Variants in APLF observed in about 807,000 individuals in gnomAD.
APLF encodes aprataxin and PNKP like factor.
A neutral mutation model predicts 55.6 loss-of-function variants in APLF; 61 were observed. The observed-to-expected ratio is 1.10, with a 90% CI of 0.89 to 1.36. The LOEUF (loss-of-function observed/expected upper bound fraction) is 1.36, where lower values mean the gene tolerates loss of function less well. APLF is among the 40% of genes most tolerant of loss of function. APLF has a pLI of 0.00. For missense variants in APLF, 611 were observed against 602.5 expected (o/e 1.01, Z -0.15); for synonymous variants, 207 against 214.8 (o/e 0.96, Z 0.32).
At chr2:68,512,971 T>C (rs942713244) in intron 3 of APLF, 109 bp from the exon 4 acceptor site, 1 of 942,690 alleles carries the variant, frequency 1.1e-6, no homozygotes, top group Admixed American at 2.7e-5. Context: ...AATCTGCTTT[T>C]TTTGGTTTTG....
intron 5 of APLF, among the ~76,000 whole-genome samples, chr2:68,523,037 A>T (rs1274785489): frequency 6.6e-6 from 1 of 151,962 alleles, no homozygotes; most frequent in Non-Finnish European, 1.5e-5. Context: ...GACACTGTAA[A>T]TAAAGTCAGA....
At chr2:68,567,490 C>T in intron 9 of APLF, 103 bp downstream of exon 9, 2 of 945,008 alleles carry the variant, frequency 2.1e-6, no homozygotes. Flanking sequence ...ATCTCTGCTT[C>T]TGTGAATTTG....
intron 5 of APLF, among the ~76,000 whole-genome samples, chr2:68,520,708 C>T (rs13429417): frequency 0.093 from 14,101 of 151,788 alleles, 789 homozygotes; most frequent in African/African-American, 0.14. Flanking sequence ...TTTTGCTGGC[C>T]GTAGCCTTGT....
chr2:68,563,322 C>G (rs1331417178), intron 8 of APLF: 1 of 983,784 alleles, frequency 1.0e-6, no homozygotes, highest in Non-Finnish European at 1.2e-6. Flanking sequence ...TTCTGCTCTT[C>G]CTTTTTGGAA....
Position 68,490,198 on chromosome 2 carries a change from CAA to C in APLF, c.106_107del (p.Lys36GlufsTer10), listed in dbSNP as rs762512838. 9.3e-6 allele frequency: 15 copies of C among 1,607,804 alleles called. No homozygotes were observed. The highest frequency in any genetic ancestry group is 8.0e-5 in the African/African-American group (6 of 74,584). On this transcript the variant is annotated frameshift_variant, in exon 2 of 10. Coordinates refer to ENST00000303795, the MANE Select transcript of APLF (RefSeq NM_173545.3). LOFTEE classifies it high-confidence loss of function. ...ATTTTTTTACTGTATAGATAACAGA[CAA>C]GAGAGTATCCAGAAGACATGCCATT... ...GRGPLLGITD[K>X]RVSRRHAILE...
intron 2 of APLF, among the ~76,000 whole-genome samples, chr2:68,494,221 T>C (rs1194002545): frequency 2.4e-5 from 3 of 125,596 alleles, no homozygotes; most frequent in African/African-American, 9.4e-5. Flanking sequence ...GAGATAGCAG[T>C]AAGCTGAGAT....
At chr2:68,525,283 A>C (rs2103980573) in intron 5 of APLF, among the ~76,000 whole-genome samples, 1 of 151,978 alleles carries the variant, frequency 6.6e-6, no homozygotes, top group East Asian at 1.9e-4. Flanking sequence ...GTGACAGAGC[A>C]AGACTCTGTC....
intron 9 of APLF, among the ~76,000 whole-genome samples, chr2:68,576,380 C>T (rs183778868): frequency 6.6e-6 from 1 of 152,064 alleles, no homozygotes; most frequent in African/African-American, 2.4e-5. Context: ...TTTACAGGAG[C>T]TGTATATACA....
intron 1 of APLF, among the ~76,000 whole-genome samples, chr2:68,485,275 ACAT>A (rs1432088165): frequency 6.6e-6 from 1 of 152,064 alleles, no homozygotes; most frequent in Non-Finnish European, 1.5e-5. Flanking sequence ...GTCTTTAATG[ACAT>A]CAGTGCTTCT....
At chr2:68,502,078 C>A (rs1035877319) in intron 2 of APLF, among the ~76,000 whole-genome samples, 2 of 152,066 alleles carry the variant, frequency 1.3e-5, no homozygotes, top group Admixed American at 1.3e-4. Flanking sequence ...CAGACCCACT[C>A]GCGAGATAAC....
chr2:68,498,799 G>A (rs552698067), intron 2 of APLF, among the ~76,000 whole-genome samples: 1 of 152,258 alleles, frequency 6.6e-6, no homozygotes, highest in South Asian at 2.1e-4. Flanking sequence ...ACTCACTTGG[G>A]GTCGTGGATG....
intron 2 of APLF, among the ~76,000 whole-genome samples, chr2:68,500,220 C>T (rs552030326): frequency 3.4e-4 from 52 of 152,224 alleles, no homozygotes; most frequent in African/African-American, 1.1e-3. Context: ...TTTAGGTTTA[C>T]GTTAGAGGAT....
intron 5 of APLF, among the ~76,000 whole-genome samples, chr2:68,517,104 A>T: frequency 8.0e-6 from 1 of 124,528 alleles, no homozygotes; most frequent in South Asian, 2.3e-4. Flanking sequence ...ATAATATACT[A>T]ATATATAATA....
At chr2:68,538,258 CATT>C in intron 7 of APLF, 31 bp downstream of exon 7, 1 of 1,538,612 alleles carries the variant, frequency 6.5e-7, no homozygotes, top group Non-Finnish European at 8.8e-7. Context: ...CATTTAATTC[CATT>C]ATTTTGATAG....
At chr2:68,574,892 GTAGT>G (rs1200150253) in intron 9 of APLF, among the ~76,000 whole-genome samples, 1 of 152,148 alleles carries the variant, frequency 6.6e-6, no homozygotes, top group Non-Finnish European at 1.5e-5. Context: ...AAGATGTTCA[GTAGT>G]TGATTTGCAA....
intron 1 of APLF, among the ~76,000 whole-genome samples, chr2:68,488,791 C>T (rs1676267308): frequency 6.6e-6 from 1 of 152,036 alleles, no homozygotes; most frequent in African/African-American, 2.4e-5. Flanking sequence ...AGTGAAAGTT[C>T]TGTGCAAATG....
chr2:68,560,123 T>G (rs888103482), intron 8 of APLF, among the ~76,000 whole-genome samples: 1 of 152,146 alleles, frequency 6.6e-6, no homozygotes, highest in African/African-American at 2.4e-5. Context: ...CTGACCTCTC[T>G]ACCTGTATGT....
At chr2:68,497,124 C>T (rs370734207) in intron 2 of APLF, among the ~76,000 whole-genome samples, 1 of 152,152 alleles carries the variant, frequency 6.6e-6, no homozygotes, top group South Asian at 2.1e-4. Context: ...CACAGTTTTG[C>T]AGGCTTTACA....
chr2:68,572,276 T>A (rs1292172663), intron 9 of APLF, among the ~76,000 whole-genome samples: 1 of 152,128 alleles, frequency 6.6e-6, no homozygotes, highest in Non-Finnish European at 1.5e-5. Flanking sequence ...ACCAACTAGT[T>A]GCTTAGTGCA....
Sources: allele counts gnomAD v4.1 joint callset (sites outside exome capture counted in the v4.1 genomes callset), GRCh38; gene constraint gnomAD v4.1.1; transcripts MANE v1.5; gene names NCBI Gene and HGNC (gene_info 2026-07-23, HGNC 2026-07-21).